The following ENAH variants were observed in gnomAD, a reference collection of about 807,000 sequenced individuals.
ENAH encodes the protein ENAH actin regulator, also known as protein enabled homolog.
ENAH carries 23 observed loss-of-function variants against 78.7 expected under a neutral mutation model. The observed-to-expected ratio is 0.29, with a 90% CI of 0.21 to 0.41. The LOEUF is 0.41. Ranked by LOEUF, ENAH falls within the 10% of genes least tolerant of loss-of-function variation. The pLI, the probability that ENAH is intolerant of heterozygous loss-of-function variation, is 1.00. For missense variants in ENAH, 544 were observed against 691.0 expected, an observed-to-expected ratio of 0.79 and a Z score of 2.39; for synonymous variants, 226 against 241.0, an observed-to-expected ratio of 0.94 and a Z score of 0.58.
chr1:225,646,706 G>T (rs1662024801), intron 1 of ENAH, among the ~76,000 whole-genome samples: 2 of 151,826 alleles, frequency 1.3e-5, no homozygotes, highest in Non-Finnish European at 2.9e-5. Context: ...GGAGAATGGT[G>T]TGAACCCGGG....
intron 3 of ENAH, among the ~76,000 whole-genome samples, chr1:225,533,725 G>A (rs1462735102): frequency 6.6e-6 from 1 of 152,066 alleles, no homozygotes; most frequent in Non-Finnish European, 1.5e-5. Context: ...AATCAGATCA[G>A]GAGACTCTAT....
chr1:225,616,628 GAA>G (rs1655758055), intron 1 of ENAH, among the ~76,000 whole-genome samples: 2 of 151,926 alleles, frequency 1.3e-5, no homozygotes, highest in Non-Finnish European at 2.9e-5. Context: ...ATTCTTCTAG[GAA>G]AAGATAAGCT....
intron 1 of ENAH, among the ~76,000 whole-genome samples, chr1:225,597,268 T>C (rs1255966931): frequency 1.3e-5 from 2 of 152,130 alleles, no homozygotes; most frequent in Non-Finnish European, 2.9e-5. Flanking sequence ...AGGTCAATAC[T>C]GAAATAAAAT....
At chr1:225,592,559 C>T (rs2096882111) in intron 1 of ENAH, among the ~76,000 whole-genome samples, 1 of 152,186 alleles carries the variant, frequency 6.6e-6, no homozygotes, top group East Asian at 1.9e-4. Flanking sequence ...TTTAAGTTAA[C>T]TGCTACTATA....
At chr1:225,625,519 C>T (rs1657787861) in intron 1 of ENAH, among the ~76,000 whole-genome samples, 1 of 152,008 alleles carries the variant, frequency 6.6e-6, no homozygotes, top group Admixed American at 6.6e-5. Flanking sequence ...AACACGTTTC[C>T]TGTATTTTTG....
At chr1:225,528,417 AAC>A (rs2096521402) in intron 4 of ENAH, among the ~76,000 whole-genome samples, 1 of 152,150 alleles carries the variant, frequency 6.6e-6, no homozygotes, top group Non-Finnish European at 1.5e-5. Context: ...GAGGGGGTGA[AAC>A]ACAAACATGG....
chr1:225,505,871 T>C (rs572466925), intron 11 of ENAH, among the ~76,000 whole-genome samples: 3 of 152,198 alleles, frequency 2.0e-5, no homozygotes, highest in South Asian at 4.2e-4. Flanking sequence ...CCTAACAGAA[T>C]TGGAACATGA....
intron 1 of ENAH, among the ~76,000 whole-genome samples, chr1:225,593,834 C>T (rs570247508): frequency 1.9e-4 from 29 of 152,308 alleles, no homozygotes; most frequent in African/African-American, 7.0e-4. Context: ...GTAATTATTA[C>T]AATTTTTTAA....
At chr1:225,523,963 T>C (rs2096487808) in intron 4 of ENAH, among the ~76,000 whole-genome samples, 1 of 152,236 alleles carries the variant, frequency 6.6e-6, no homozygotes, top group South Asian at 2.1e-4. Context: ...TTCTGAACCA[T>C]GAAAAATCCT....
intron 1 of ENAH, among the ~76,000 whole-genome samples, chr1:225,617,454 T>C (rs973795579): frequency 1.3e-5 from 2 of 152,212 alleles, no homozygotes; most frequent in Admixed American, 6.5e-5. Context: ...TTAGACACAT[T>C]ATCTGATACA....
At chr1:225,507,918 T>C in intron 11 of ENAH, 33 bp downstream of exon 11, 3 of 1,446,538 alleles carry the variant, frequency 2.1e-6, no homozygotes, top group Non-Finnish European at 2.8e-6. Context: ...TTTATACAAA[T>C]AAAATATAAA....
chr1:225,536,856 C>T (rs988869796), intron 3 of ENAH, among the ~76,000 whole-genome samples: 1 of 151,846 alleles, frequency 6.6e-6, no homozygotes, highest in Non-Finnish European at 1.5e-5. Context: ...ACCACCCAAT[C>T]TATTAAAGTT....
At chr1:225,611,345 G>GCA (rs1483652140) in intron 1 of ENAH, among the ~76,000 whole-genome samples, 1 of 152,036 alleles carries the variant, frequency 6.6e-6, no homozygotes, top group African/African-American at 2.4e-5. Flanking sequence ...TTGAGACAGA[G>GCA]TCTTGCTCTG....
chr1:225,563,640 C>T (rs911428990), intron 2 of ENAH, among the ~76,000 whole-genome samples: 2 of 152,030 alleles, frequency 1.3e-5, no homozygotes, highest in African/African-American at 4.8e-5. Flanking sequence ...TCAAGAAGTG[C>T]TTTTGTTTTG....
rs1045002936 is a variant in ENAH, at chr1:225,490,843, C to T, written c.*6932G>A. Reference sequence around the variant, plus strand: ...TTTACCAACCATCCATGGGCTATTGCTGAGTTGCGGAACTAGCCTACAGCT... The same window carrying T: ...TTTACCAACCATCCATGGGCTATTGTTGAGTTGCGGAACTAGCCTACAGCT... On this transcript the variant is annotated 3_prime_UTR_variant, in exon 14 of 14. Transcript: ENST00000366843. The T allele has an allele frequency of 6.6e-6, 1 of 152,206 alleles. No individual in the cohort carries two copies. The highest frequency in any genetic ancestry group is 1.5e-5 in the Non-Finnish European group (1 of 68,058). The allele number at this position is 152,206 out of a possible 1,614,324, so 9.4% of individuals were successfully genotyped here.
intron 1 of ENAH, among the ~76,000 whole-genome samples, chr1:225,569,196 A>C (rs2096748535): frequency 6.6e-6 from 1 of 152,268 alleles, no homozygotes; most frequent in African/African-American, 2.4e-5. Flanking sequence ...CAACAAATTT[A>C]CTGCTAAATG....
At chr1:225,637,765 A>T (rs1660321980) in intron 1 of ENAH, among the ~76,000 whole-genome samples, 2 of 152,342 alleles carry the variant, frequency 1.3e-5, no homozygotes, top group South Asian at 2.1e-4. Context: ...ATATTAAGTT[A>T]AAAAAGGCAA....
At chr1:225,530,746 T>C in intron 3 of ENAH, 108 bp from the exon 4 acceptor site, 1 of 869,270 alleles carries the variant, frequency 1.2e-6, no homozygotes, top group Non-Finnish European at 1.8e-6. Context: ...TACAAACGTG[T>C]CTTCTTTTTG....
At chr1:225,633,946 G>T (rs1259166739) in intron 1 of ENAH, among the ~76,000 whole-genome samples, 1 of 152,070 alleles carries the variant, frequency 6.6e-6, no homozygotes, top group Non-Finnish European at 1.5e-5. Context: ...CAGGTCTTTG[G>T]AACTCAAAAG....
Sources: allele counts gnomAD v4.1 joint callset (sites outside exome capture counted in the v4.1 genomes callset), GRCh38; gene constraint gnomAD v4.1.1; transcripts MANE v1.5; gene names NCBI Gene and HGNC (gene_info 2026-07-23, HGNC 2026-07-21).